NAV3: variants seen among roughly 807,000 people sequenced by gnomAD.
The protein encoded by NAV3 is pore membrane and/or filament interacting like protein 1.
In NAV3, 87 loss-of-function variants were observed where a neutral mutation model predicts 244.7. That is an observed-to-expected ratio of 0.36 (90% CI 0.30 to 0.42). The LOEUF is 0.42. NAV3 is among the 20% of genes least tolerant of loss of function. NAV3 has a pLI of 1.00. For missense variants in NAV3, 2,663 were observed against 2,893.3 expected (o/e 0.92, Z 1.83); for synonymous variants, 1,126 against 1,042.2 (o/e 1.08, Z -1.55).
intron 2 of NAV3, among the ~76,000 whole-genome samples, chr12:77,795,652 A>G (rs1395304538): frequency 1.3e-5 from 2 of 152,190 alleles, no homozygotes; most frequent in Non-Finnish European, 2.9e-5. Flanking sequence ...GGCTTTCATA[A>G]CGAAAAAGTC....
intron 16 of NAV3, among the ~76,000 whole-genome samples, chr12:78,126,442 T>A (rs1955908520): frequency 6.6e-6 from 1 of 152,200 alleles, no homozygotes; most frequent in South Asian, 2.1e-4. Flanking sequence ...GTTGTTGATA[T>A]CCTCTTCCTG....
intron 2 of NAV3, among the ~76,000 whole-genome samples, chr12:77,682,176 C>T (rs1278183681): frequency 6.6e-6 from 1 of 152,144 alleles, no homozygotes; most frequent in Non-Finnish European, 1.5e-5. Flanking sequence ...TCCCCAGCCT[C>T]TGGTAGCCAC....
chr12:77,664,023 T>A (rs774190051), intron 2 of NAV3, among the ~76,000 whole-genome samples: 1 of 152,232 alleles, frequency 6.6e-6, no homozygotes, highest in East Asian at 1.9e-4. Flanking sequence ...GTCAATGTCA[T>A]GTAAAACATT....
chr12:77,887,559 A>G (rs921693985), intron 1 of NAV3, among the ~76,000 whole-genome samples: 3 of 152,124 alleles, frequency 2.0e-5, no homozygotes, highest in African/African-American at 7.2e-5. Flanking sequence ...GGCAATATCT[A>G]CTTTGTTTAT....
At chr12:77,778,770 A>G (rs767699250) in intron 2 of NAV3, among the ~76,000 whole-genome samples, 1 of 152,164 alleles carries the variant, frequency 6.6e-6, no homozygotes, top group East Asian at 1.9e-4. Context: ...TCACTAATAA[A>G]TGTTCACATA....
At chr12:78,197,493 T>G (rs971096908) in intron 35 of NAV3, 92 bp downstream of exon 35, 1 of 888,298 alleles carries the variant, frequency 1.1e-6, no homozygotes, top group Non-Finnish European at 1.6e-6. Flanking sequence ...AAAATTTGTT[T>G]AATATTTAAT....
At chr12:77,897,485 T>C (rs550116029) in intron 1 of NAV3, among the ~76,000 whole-genome samples, 3 of 152,308 alleles carry the variant, frequency 2.0e-5, no homozygotes, top group African/African-American at 4.8e-5. Context: ...CCTATATCCA[T>C]GAACAAAGAG....
chr12:78,056,900 T>C (rs182206167), intron 11 of NAV3, among the ~76,000 whole-genome samples: 39 of 152,310 alleles, frequency 2.6e-4, no homozygotes, highest in African/African-American at 8.9e-4. Flanking sequence ...ACGAAGAACG[T>C]CATGAAGTCA....
chr12:78,007,499 C>G (rs2136605997), intron 8 of NAV3, 54 bp downstream of exon 8: 1 of 1,537,168 alleles, frequency 6.5e-7, no homozygotes, highest in South Asian at 1.2e-5. Flanking sequence ...GGCCTACATA[C>G]TCAGAGTGTA....
At chr12:77,801,722 A>G (rs1179197889) in intron 2 of NAV3, among the ~76,000 whole-genome samples, 1 of 152,104 alleles carries the variant, frequency 6.6e-6, no homozygotes, top group Non-Finnish European at 1.5e-5. Flanking sequence ...GAATTTTTTT[A>G]TGTAACTCGA....
intron 2 of NAV3, among the ~76,000 whole-genome samples, chr12:77,793,188 A>C (rs949091328): frequency 2.0e-5 from 3 of 152,220 alleles, no homozygotes; most frequent in Non-Finnish European, 4.4e-5. Flanking sequence ...TAGAAGAAAA[A>C]AGCAGTATAG....
upstream of NAV3, among the ~76,000 whole-genome samples, chr12:77,830,688 C>G (rs1873518139): frequency 6.6e-6 from 1 of 152,168 alleles, no homozygotes; most frequent in African/African-American, 2.4e-5. Flanking sequence ...TGGGATGCAA[C>G]AGAATGAACA....
intron 12 of NAV3, among the ~76,000 whole-genome samples, chr12:78,089,649 A>C (rs2137982363): frequency 6.6e-6 from 1 of 152,242 alleles, no homozygotes; most frequent in Admixed American, 6.5e-5. Flanking sequence ...TACAGGATCA[A>C]GAATGGAAAT....
chr12:77,811,911 AT>A (rs1872305732), intron 2 of NAV3, among the ~76,000 whole-genome samples: 2 of 152,326 alleles, frequency 1.3e-5, no homozygotes, highest in Non-Finnish European at 2.9e-5. Context: ...ACTAGTTCCC[AT>A]TTTTATCACC....
intron 20 of NAV3, among the ~76,000 whole-genome samples, chr12:78,143,963 C>T (rs2139139300): frequency 6.6e-6 from 1 of 152,084 alleles, no homozygotes; most frequent in East Asian, 1.9e-4. Context: ...AAAGAAATAC[C>T]CTTTGCTATT....
intron 12 of NAV3, among the ~76,000 whole-genome samples, chr12:78,077,894 C>T (rs574287177): frequency 6.6e-6 from 1 of 152,178 alleles, no homozygotes; most frequent in African/African-American, 2.4e-5. Context: ...GCCAAGATCA[C>T]GCCTTTGCAC....
intron 2 of NAV3, among the ~76,000 whole-genome samples, chr12:77,590,069 T>A (rs2136712746): frequency 6.6e-6 from 1 of 152,326 alleles, no homozygotes; most frequent in Middle Eastern, 3.4e-3. Flanking sequence ...ATGGTACAAC[T>A]AAAACATAAC....
intron 2 of NAV3, among the ~76,000 whole-genome samples, chr12:77,676,750 A>T (rs1447297595): frequency 6.6e-6 from 1 of 152,016 alleles, no homozygotes; most frequent in Non-Finnish European, 1.5e-5. Flanking sequence ...AAACCTTTAA[A>T]GTCTTTTGAA....
At chr12:77,688,558 G>A (rs1874863860) in intron 2 of NAV3, among the ~76,000 whole-genome samples, 1 of 152,000 alleles carries the variant, frequency 6.6e-6, no homozygotes, top group South Asian at 2.1e-4. Flanking sequence ...AGTAAGTGAA[G>A]GAGACAGAGT....
Sources: gnomAD v4.1 joint callset for allele counts (sites outside exome capture counted in the v4.1 genomes callset) on GRCh38, gnomAD v4.1.1 for gene constraint, MANE v1.5 for transcripts, NCBI Gene and HGNC (gene_info 2026-07-23, HGNC 2026-07-21) for gene names.